The following FER variants were observed in gnomAD, a reference collection of about 807,000 sequenced individuals.
FER encodes FER tyrosine kinase.
FER carries 63 observed loss-of-function variants against 111.0 expected under a neutral mutation model. The observed-to-expected ratio is 0.57, with a 90% CI of 0.46 to 0.70. FER has a LOEUF of 0.70. FER is among the 30% of genes least tolerant of loss of function. FER has a pLI of 0.00. For missense variants in FER, 914 were observed against 954.0 expected (o/e 0.96, Z 0.55); for synonymous variants, 327 against 313.9 (o/e 1.04, Z -0.44).
chr5:109,102,847 T>G (rs1286512585), intron 17 of FER, among the ~76,000 whole-genome samples: 1 of 152,134 alleles, frequency 6.6e-6, no homozygotes, highest in African/African-American at 2.4e-5. Flanking sequence ...AATAAATTAT[T>G]CTTTGTGTTG....
At chr5:109,166,957 A>G (rs561407016) in intron 17 of FER, among the ~76,000 whole-genome samples, 2 of 128,884 alleles carry the variant, frequency 1.6e-5, no homozygotes. Flanking sequence ...GTTAGCCTAG[A>G]TACAAAAGGG....
Position 108,847,150 on chromosome 5 carries a change from T to G in FER, c.481+11343T>G, listed in dbSNP as rs186438789. Among the ~76,000 whole-genome samples the G allele has an allele frequency of 3.3e-5, 5 of 150,032 alleles. No individual in the cohort carries two copies. The East Asian group carries it at 9.7e-4, about 29-fold the overall frequency. On this transcript the variant is annotated intron_variant, in intron 5 of 19. Coordinates refer to ENST00000281092, the MANE Select transcript of FER (RefSeq NM_005246.4). Reference sequence around the variant, plus strand: ...AAGCATTTGGTACTCTAAAGTTCCTTAAATACTTTTTTTTTTTGCAGTTTG... The same window carrying G: ...AAGCATTTGGTACTCTAAAGTTCCTGAAATACTTTTTTTTTTTGCAGTTTG...
intron 10 of FER, among the ~76,000 whole-genome samples, chr5:108,923,252 A>T (rs1581215999): frequency 6.6e-6 from 1 of 152,066 alleles, no homozygotes; most frequent in African/African-American, 2.4e-5. Flanking sequence ...TGGACGTGAT[A>T]TAAAGAATGG....
At chr5:109,139,066 G>T (rs888636252) in intron 17 of FER, among the ~76,000 whole-genome samples, 2 of 152,172 alleles carry the variant, frequency 1.3e-5, no homozygotes, top group Non-Finnish European at 2.9e-5. Context: ...TGAGGTACCT[G>T]TAGGACATCT....
At chr5:108,913,404 G>A (rs1419043959) in intron 10 of FER, among the ~76,000 whole-genome samples, 1 of 152,170 alleles carries the variant, frequency 6.6e-6, no homozygotes, top group African/African-American at 2.4e-5. Context: ...TAGTATCTGT[G>A]TGATAAAGTA....
intron 3 of FER, among the ~76,000 whole-genome samples, chr5:108,800,510 C>G (rs189189337): frequency 1.1e-4 from 16 of 152,218 alleles, no homozygotes; most frequent in African/African-American, 3.9e-4. Flanking sequence ...GCCACCATAA[C>G]TGGCTAATTT....
chr5:109,029,437 T>C (rs1237702529), intron 13 of FER, among the ~76,000 whole-genome samples: 1 of 144,162 alleles, frequency 6.9e-6, no homozygotes, highest in Non-Finnish European at 1.5e-5. Flanking sequence ...TTTTTTTTTT[T>C]TTTTTTTTTT....
chr5:109,092,651 T>G (rs1746966407), intron 16 of FER, among the ~76,000 whole-genome samples: 1 of 152,144 alleles, frequency 6.6e-6, no homozygotes, highest in Non-Finnish European at 1.5e-5. Context: ...TCCTGTGCAT[T>G]GCCGTTATAA....
chr5:109,149,220 T>TA, intron 17 of FER, among the ~76,000 whole-genome samples: 1 of 152,204 alleles, frequency 6.6e-6, no homozygotes, highest in Non-Finnish European at 1.5e-5. Context: ...AGGCCTCTCT[T>TA]AAATGTAAAA....
intron 16 of FER, among the ~76,000 whole-genome samples, chr5:109,076,579 A>G (rs1776371336): frequency 6.6e-6 from 1 of 152,084 alleles, no homozygotes. Context: ...TTGTGACTAC[A>G]GGGGCATGCC....
intron 10 of FER, among the ~76,000 whole-genome samples, chr5:108,898,123 C>T (rs1044092640): frequency 6.6e-6 from 1 of 152,030 alleles, no homozygotes; most frequent in African/African-American, 2.4e-5. Flanking sequence ...TCCTGGGAGA[C>T]AGCAGGAAGG....
chr5:109,083,885 C>G (rs1373622480), intron 16 of FER, among the ~76,000 whole-genome samples: 2 of 152,008 alleles, frequency 1.3e-5, no homozygotes, highest in African/African-American at 4.8e-5. Flanking sequence ...CCATGCTATG[C>G]TATGAATAAT....
intron 2 of FER, among the ~76,000 whole-genome samples, chr5:108,793,523 G>GGGGA (rs1394778776): frequency 1.5e-5 from 2 of 137,550 alleles, no homozygotes; most frequent in East Asian, 4.0e-4. Flanking sequence ...GCGGGGCGGG[G>GGGGA]GGGGTGGTTA....
At chr5:108,945,876 G>A (rs1276877394) in intron 10 of FER, among the ~76,000 whole-genome samples, 1 of 151,892 alleles carries the variant, frequency 6.6e-6, no homozygotes, top group Non-Finnish European at 1.5e-5. Context: ...AATTCTATAT[G>A]AATTGCTATA....
intron 17 of FER, among the ~76,000 whole-genome samples, chr5:109,144,418 C>G (rs1209590945): frequency 6.6e-6 from 1 of 152,056 alleles, no homozygotes; most frequent in African/African-American, 2.4e-5. Context: ...CTATGGAAAT[C>G]AAGATTACAG....
At chr5:109,120,720 C>T (rs1033645980) in intron 17 of FER, among the ~76,000 whole-genome samples, 1 of 151,950 alleles carries the variant, frequency 6.6e-6, no homozygotes, top group Admixed American at 6.6e-5. Flanking sequence ...ATATTGATTC[C>T]TTCAATTCAT....
At chr5:108,934,540 T>A (rs553070655) in intron 10 of FER, among the ~76,000 whole-genome samples, 1 of 152,176 alleles carries the variant, frequency 6.6e-6, no homozygotes, top group Non-Finnish European at 1.5e-5. Context: ...TTTTTAAAAT[T>A]CTTTCTTTGC....
chr5:108,808,234 G>A (rs923023538), intron 3 of FER, among the ~76,000 whole-genome samples: 3 of 151,948 alleles, frequency 2.0e-5, no homozygotes, highest in Admixed American at 1.3e-4. Context: ...GTGGCTGTCT[G>A]TGTCTTTTTG....
At chr5:109,024,320 C>T (rs1037855539) in intron 13 of FER, among the ~76,000 whole-genome samples, 1 of 152,168 alleles carries the variant, frequency 6.6e-6, no homozygotes, top group African/African-American at 2.4e-5. Flanking sequence ...AACAAAATGA[C>T]ACCACTGTGT....
Sources: allele counts gnomAD v4.1 joint callset (sites outside exome capture counted in the v4.1 genomes callset), GRCh38; gene constraint gnomAD v4.1.1; transcripts MANE v1.5; gene names NCBI Gene and HGNC (gene_info 2026-07-23, HGNC 2026-07-21).